ATG2B: variants seen among roughly 807,000 people sequenced by gnomAD.
ATG2B encodes autophagy related 2B.
A neutral mutation model predicts 241.3 loss-of-function variants in ATG2B; 121 were observed. The ratio of observed to expected loss-of-function variants is 0.50; its 90% CI spans 0.43 to 0.58. The LOEUF (loss-of-function observed/expected upper bound fraction) is 0.58, where lower values mean the gene tolerates loss of function less well. Among genes scored for constraint, ATG2B ranks in the 20% least tolerant of loss-of-function variants. The pLI is 0.00. For missense variants in ATG2B, 2,306 were observed against 2,491.6 expected, an observed-to-expected ratio of 0.93 and a Z score of 1.59; for synonymous variants, 858 against 876.6, an observed-to-expected ratio of 0.98 and a Z score of 0.37.
intron 34 of ATG2B, among the ~76,000 whole-genome samples, chr14:96,298,751 G>A (rs1886713351): frequency 6.6e-6 from 1 of 152,170 alleles, no homozygotes; most frequent in Non-Finnish European, 1.5e-5. Flanking sequence ...ACTTTGGGAT[G>A]GTGAAGATGA....
At chr14:96,331,743 C>T (rs772321878) in intron 10 of ATG2B, 106 bp from the exon 11 acceptor site, 24 of 899,656 alleles carry the variant, frequency 2.7e-5, no homozygotes, top group Non-Finnish European at 3.8e-5. Flanking sequence ...GATGATCATA[C>T]AACAGTTTGA....
At chr14:96,324,029 G>A (rs1427709233) in intron 15 of ATG2B, 31 bp from the exon 16 acceptor site, 2 of 1,445,954 alleles carry the variant, frequency 1.4e-6, no homozygotes, top group Non-Finnish European at 1.9e-6. Context: ...ACTGAAATGT[G>A]CTTCTTCTCA....
Position 96,315,428 on chromosome 14 carries a change from C to T in ATG2B, c.3517G>A (p.Val1173Ile), listed in dbSNP as rs781373240. 1 of 1,614,118 alleles carries T rather than the reference C, an allele frequency of 6.2e-7. No homozygotes were observed. Among genetic ancestry groups the T allele is most frequent in the Admixed American group, 1.7e-5 (1 of 60,032 alleles). ...TTATCAGACAATATTTTAACGGCAA[C>T]AGACAGCATATTCAAACTGTCTCCT... ...VGGDSLNMLSVAVKILSDKSE... is the reference protein window; with the variant it reads ...VGGDSLNMLSIAVKILSDKSE... The change falls in exon 22 of 42, where the codon GTT becomes ATT. Residue 1173 changes from valine (V) to isoleucine (I), a missense_variant. Transcript: ENST00000359933.
At chr14:96,308,235 T>A (rs1385696084) in intron 29 of ATG2B, among the ~76,000 whole-genome samples, 3 of 22,120 alleles carry the variant, frequency 1.4e-4, no homozygotes, top group African/African-American at 4.2e-4. Flanking sequence ...TATATACATA[T>A]ATATATATAT....
At chr14:96,311,935 T>G (rs1156600030) in intron 26 of ATG2B, among the ~76,000 whole-genome samples, 154 bp downstream of exon 26, 2 of 152,212 alleles carry the variant, frequency 1.3e-5, no homozygotes, top group East Asian at 1.9e-4. Context: ...ATATACCACA[T>G]GATCACTATA....
At chr14:96,340,833 G>C (rs926059087) in intron 6 of ATG2B, among the ~76,000 whole-genome samples, 2 of 150,752 alleles carry the variant, frequency 1.3e-5, no homozygotes, top group African/African-American at 4.9e-5. Context: ...CGGGAGGGTT[G>C]CTTGAGCCCA....
chr14:96,363,208 T>C lies in ATG2B; in HGVS notation c.-232A>G. ...TCCTCCTGGCCCCAGGCCAGGGGACTTCCGAGGAGGGTCCCAACCGGCTCG... is the reference window on the plus strand; with the variant it reads ...TCCTCCTGGCCCCAGGCCAGGGGACCTCCGAGGAGGGTCCCAACCGGCTCG... On this transcript the variant is annotated 5_prime_UTR_variant, in exon 1 of 42. Coordinates refer to ENST00000359933, the MANE Select transcript of ATG2B (RefSeq NM_018036.7). The C allele has an allele frequency of 1.9e-6, 1 of 519,356 alleles. No homozygotes were observed. The highest frequency in any genetic ancestry group is 3.4e-6 in the Non-Finnish European group (1 of 292,158). The allele number at this position is 519,356 out of a possible 1,614,324, so 32.2% of individuals were successfully genotyped here. A position where few individuals can be genotyped will look rare whatever the true frequency, so the allele number is the denominator to read the frequency against.
At chr14:96,310,154 T>C (rs901081914) in intron 28 of ATG2B, among the ~76,000 whole-genome samples, 2 of 152,186 alleles carry the variant, frequency 1.3e-5, no homozygotes, top group African/African-American at 4.8e-5. Context: ...TATGTGAGCA[T>C]GACTCTAAAA....
chr14:96,303,362 T>G, intron 32 of ATG2B, 107 bp from the exon 33 acceptor site: 8 of 841,028 alleles, frequency 9.5e-6, no homozygotes, highest in Non-Finnish European at 1.0e-5. Context: ...CTCTGAATTC[T>G]ACCTCAGCTT....
At chr14:96,308,603 A>T (rs557015494) in intron 29 of ATG2B, among the ~76,000 whole-genome samples, 98 of 151,520 alleles carry the variant, frequency 6.5e-4, no homozygotes, top group African/African-American at 2.4e-3. Context: ...TGCCCAGCCT[A>T]GCTGCTAACA....
At chr14:96,327,824 TTC>T (rs1887623395) in intron 14 of ATG2B, among the ~76,000 whole-genome samples, 2 of 152,284 alleles carry the variant, frequency 1.3e-5, no homozygotes, top group South Asian at 2.1e-4. Context: ...AACCATCATT[TTC>T]TTTTTCTTTT....
In ATG2B at chr14:96,352,792, GA is replaced by G. The variant is rs149330839; in HGVS notation, c.163-5452del. ...TGTAACCTCAGGTTAACTTATTATT[GA>G]AAAAAAAAAGATGTCTTTATTAATA... On this transcript the variant is annotated intron_variant, in intron 1 of 41. Transcript: ENST00000359933. 6.1e-3 allele frequency among the ~76,000 whole-genome samples: 892 copies of G among 147,352 alleles called. 27 individuals are homozygous for G. The South Asian group carries it at 0.072, about 12-fold the overall frequency.
intron 15 of ATG2B, 152 bp from the exon 16 acceptor site, chr14:96,324,150 A>G (rs1260893614): frequency 1.7e-6 from 1 of 586,850 alleles, no homozygotes; most frequent in Non-Finnish European, 3.0e-6. Flanking sequence ...CACGTGTGGT[A>G]GACAGAATGA....
intron 1 of ATG2B, among the ~76,000 whole-genome samples, chr14:96,349,922 C>A (rs1039802711): frequency 2.0e-5 from 3 of 152,098 alleles, no homozygotes; most frequent in African/African-American, 7.2e-5. Flanking sequence ...CACTGGGAAG[C>A]CAAGGCGGGA....
chr14:96,333,579 C>A, intron 8 of ATG2B, 109 bp downstream of exon 8: 1 of 1,002,684 alleles, frequency 1.0e-6, no homozygotes, highest in Non-Finnish European at 1.4e-6. Context: ...CAATGTGGAT[C>A]TTTTTGTTCT....
chr14:96,341,647 G>A lies in ATG2B; in HGVS notation c.799C>T (p.His267Tyr). ...GGTAAATTTCTAGTTAGCTGTGGGT[G>A]TGGCTCATAAATAATTTTGGGGTTC... ...SWNPKIIYEP[H>Y]PQLTRNLPEI... The change falls in exon 6 of 42, where the codon CAC becomes TAC. Residue 267 changes from histidine (H) to tyrosine (Y), a missense_variant. Physicochemically the swap from His to Tyr is moderately conservative, Grantham distance 83. This residue lies in a region of ATG2B where 1,927 missense variants were observed against 2,011.2 expected (regional missense o/e 0.96). Transcript: ENST00000359933. 1 of 1,597,462 alleles carries A rather than the reference G, an allele frequency of 6.3e-7. No individual in the cohort carries two copies. Among genetic ancestry groups the A allele is most frequent in the Non-Finnish European group, 8.5e-7 (1 of 1,170,138 alleles).
chr14:96,348,074 G>A (rs548477504), intron 1 of ATG2B, among the ~76,000 whole-genome samples: 1 of 152,168 alleles, frequency 6.6e-6, no homozygotes, highest in Non-Finnish European at 1.5e-5. Flanking sequence ...CCAAGATTTG[G>A]AAGCAACCTA....
At position 96,285,859 on chromosome 14, in the gene ATG2B, C is replaced by A. The variant is rs896121376; in HGVS notation, c.6133G>T (p.Val2045Phe). 2 of 1,614,036 alleles carry A rather than the reference C, an allele frequency of 1.2e-6. No homozygotes were observed. Among genetic ancestry groups the A allele is most frequent in the African/African-American group, 2.7e-5 (2 of 74,924 alleles). ...ACGTTTGACGTTGCTTCTGTGGCAA[C>A]AATCAGAGGTTTCACCACTGCCGGA... ...IPPAVVKPLI[V>F]ATEATSNVLG... is the part of the protein sequence containing the mutation. Residue 2045 changes from valine (V) to phenylalanine (F), a missense_variant, in exon 42 of 42, where the codon GTT becomes TTT. Physicochemically the swap from Val to Phe is conservative, Grantham distance 50. Coordinates refer to ENST00000359933, the MANE Select transcript of ATG2B (RefSeq NM_018036.7). This position sits in a 1 kb window ranked among gnomAD's most constrained non-coding sequence, Gnocchi z 4.2.
chr14:96,362,821 G>A lies in ATG2B; in HGVS notation c.156C>T (p.Asp52=). The change falls in exon 1 of 42, where the codon GAC becomes GAT. Residue 52 remains aspartate, a synonymous_variant. Transcript: ENST00000359933. ...GTGSLAQVPL[D]KWCLNEILES... Reference sequence around the variant, plus strand: ...CGCCGCCGGCAGCTCTTACCCATTTGTCCAAGGGGACCTGGGCGAGGGACC... The same window carrying A: ...CGCCGCCGGCAGCTCTTACCCATTTATCCAAGGGGACCTGGGCGAGGGACC... 1 of 1,606,654 alleles carries A rather than the reference G, an allele frequency of 6.2e-7. No individual in the cohort carries two copies. The highest frequency in any genetic ancestry group is 8.5e-7 in the Non-Finnish European group (1 of 1,175,644).
Sources: allele counts gnomAD v4.1 joint callset (sites outside exome capture counted in the v4.1 genomes callset), GRCh38; gene constraint gnomAD v4.1.1; regional missense constraint gnomAD v4.1.1; non-coding constraint Gnocchi (gnomAD v3.1); transcripts MANE v1.5; gene names NCBI Gene and HGNC (gene_info 2026-07-23, HGNC 2026-07-21).